The following OXR1 variants were observed in gnomAD, a reference collection of about 807,000 sequenced individuals.
OXR1 encodes oxidation resistance protein 1.
Under a neutral mutation model 104.6 loss-of-function variants are expected in OXR1, and 41 were observed. The observed-to-expected ratio is 0.39, with a 90% CI of 0.31 to 0.51. The LOEUF is 0.51. Among genes scored for constraint, OXR1 ranks in the 20% least tolerant of loss-of-function variants. The pLI, the probability that OXR1 is intolerant of heterozygous loss-of-function variation, is 0.77. For synonymous variants in OXR1, 348 were observed against 348.4 expected (o/e 1.00, Z 0.01); for missense variants, 955 against 1,031.9 (o/e 0.93, Z 1.02).
chr8:106,572,359 A>G (rs1224487481), intron 3 of OXR1, among the ~76,000 whole-genome samples: 1 of 152,174 alleles, frequency 6.6e-6, no homozygotes, highest in African/African-American at 2.4e-5. Context: ...CCATCTCTTT[A>G]TCAAGTTGTT....
At chr8:106,391,779 G>A (rs772324840) in intron 2 of OXR1, among the ~76,000 whole-genome samples, 4 of 151,874 alleles carry the variant, frequency 2.6e-5, no homozygotes, top group Non-Finnish European at 4.4e-5. Context: ...ATTTCTGATG[G>A]CTAAAGCCAT....
chr8:106,631,991 C>T (rs1280316716), intron 3 of OXR1, among the ~76,000 whole-genome samples: 5 of 152,110 alleles, frequency 3.3e-5, no homozygotes, highest in Admixed American at 2.6e-4. Flanking sequence ...ATCAGAGGCC[C>T]TGGGAATATT....
intron 1 of OXR1, among the ~76,000 whole-genome samples, chr8:106,286,390 T>C (rs1812503126): frequency 8.1e-6 from 1 of 122,808 alleles, no homozygotes; most frequent in African/African-American, 3.5e-5. Context: ...TTTTTTTTTT[T>C]CAATGAAAAG....
intron 15 of OXR1, among the ~76,000 whole-genome samples, chr8:106,744,290 A>T (rs543419802): frequency 2.0e-5 from 3 of 152,312 alleles, no homozygotes; most frequent in African/African-American, 7.2e-5. Context: ...TCTGTCCCCT[A>T]TCTTTGCCTT....
intron 2 of OXR1, among the ~76,000 whole-genome samples, chr8:106,427,834 A>T (rs1480974066): frequency 1.3e-5 from 2 of 152,142 alleles, no homozygotes; most frequent in Non-Finnish European, 2.9e-5. Context: ...ACATGGTCTT[A>T]GTTGGGGGAC....
chr8:106,339,519 AATATATATATATATATATATAT>A (rs756741127), intron 1 of OXR1, among the ~76,000 whole-genome samples: 2 of 33,360 alleles, frequency 6.0e-5, no homozygotes, highest in Non-Finnish European at 1.1e-4. Flanking sequence ...AAAAAAAAAA[AATATATATATATATATATATAT>A]ATATATATAT....
At chr8:106,622,993 G>A (rs1300655874) in intron 3 of OXR1, among the ~76,000 whole-genome samples, 2 of 152,114 alleles carry the variant, frequency 1.3e-5, no homozygotes, top group Non-Finnish European at 2.9e-5. Context: ...AGGAAGTTAA[G>A]GACAGAAAAA....
At chr8:106,448,643 A>C (rs745487624) in intron 2 of OXR1, among the ~76,000 whole-genome samples, 1 of 152,174 alleles carries the variant, frequency 6.6e-6, no homozygotes, top group Non-Finnish European at 1.5e-5. Flanking sequence ...TAGGTCTAGC[A>C]ACAAAAAATA....
chr8:106,491,090 A>G (rs1260908151), intron 2 of OXR1, among the ~76,000 whole-genome samples: 3 of 152,162 alleles, frequency 2.0e-5, no homozygotes, highest in African/African-American at 7.2e-5. Flanking sequence ...TGCTTCCTCG[A>G]CGCTCCGCTC....
At chr8:106,706,252 C>A in intron 8 of OXR1, 130 bp from the exon 9 acceptor site, 1 of 556,942 alleles carries the variant, frequency 1.8e-6, no homozygotes, top group Non-Finnish European at 3.0e-6. Context: ...TTTTTATATT[C>A]TTTGGAGATA....
chr8:106,278,767 G>C (rs1812163851), intron 1 of OXR1, among the ~76,000 whole-genome samples: 1 of 152,080 alleles, frequency 6.6e-6, no homozygotes, highest in Non-Finnish European at 1.5e-5. Context: ...ATTTTCTTCT[G>C]TTTTCATTCA....
chr8:106,560,098 A>C (rs1212145203), intron 3 of OXR1, among the ~76,000 whole-genome samples: 1 of 152,146 alleles, frequency 6.6e-6, no homozygotes, highest in African/African-American at 2.4e-5. Context: ...AATATGGAGA[A>C]AGCTAGAGGA....
chr8:106,448,087 C>T (rs1207629670), intron 2 of OXR1: 32 of 1,533,848 alleles, frequency 2.1e-5, no homozygotes, highest in Non-Finnish European at 1.8e-5. Flanking sequence ...TTGTTACTTC[C>T]TGTGTTATGA....
intron 11 of OXR1, among the ~76,000 whole-genome samples, chr8:106,714,590 C>G (rs1832051739): frequency 6.6e-6 from 1 of 151,968 alleles, no homozygotes; most frequent in Admixed American, 6.6e-5. Context: ...TACTAACAAA[C>G]TTTTTGTAAC....
chr8:106,510,543 A>G (rs1236262689), intron 2 of OXR1, among the ~76,000 whole-genome samples: 1 of 152,234 alleles, frequency 6.6e-6, no homozygotes, highest in Non-Finnish European at 1.5e-5. Context: ...CTGAAGAGGC[A>G]GAATTAGTTT....
chr8:106,660,454 C>T (rs1825645207), intron 3 of OXR1, among the ~76,000 whole-genome samples: 1 of 152,168 alleles, frequency 6.6e-6, no homozygotes, highest in South Asian at 2.1e-4. Context: ...CTTTAAGAAG[C>T]CCTGTGTATT....
intron 3 of OXR1, among the ~76,000 whole-genome samples, chr8:106,545,722 G>C (rs1317880641): frequency 6.6e-6 from 1 of 152,116 alleles, no homozygotes; most frequent in Non-Finnish European, 1.5e-5. Flanking sequence ...GTAAAGGAAG[G>C]AAAATAGGCT....
At chr8:106,672,420 G>A (rs1362941127) in intron 3 of OXR1, among the ~76,000 whole-genome samples, 3 of 151,922 alleles carry the variant, frequency 2.0e-5, no homozygotes, top group Admixed American at 2.0e-4. Flanking sequence ...CTGGGAGGTT[G>A]GGGTTGCAGT....
chr8:106,436,548 T>C (rs1236032090), intron 2 of OXR1, among the ~76,000 whole-genome samples: 1 of 151,090 alleles, frequency 6.6e-6, no homozygotes, highest in Non-Finnish European at 1.5e-5. Flanking sequence ...AGATGAGAAG[T>C]TTTCTTCAGG....
Sources: gnomAD v4.1 joint callset for allele counts (sites outside exome capture counted in the v4.1 genomes callset) on GRCh38, gnomAD v4.1.1 for gene constraint, MANE v1.5 for transcripts, NCBI Gene and HGNC (gene_info 2026-07-23, HGNC 2026-07-21) for gene names.